Variants in PTDSS1 observed in about 807,000 individuals in gnomAD.
The protein encoded by PTDSS1 is PSS-1.
PTDSS1 carries 45 observed loss-of-function variants against 70.5 expected under a neutral mutation model. That is an observed-to-expected ratio of 0.64 (90% CI 0.50 to 0.82). The LOEUF (loss-of-function observed/expected upper bound fraction) is 0.82, where lower values mean the gene tolerates loss of function less well. Ranked by LOEUF, PTDSS1 falls within the 40% of genes least tolerant of loss-of-function variation. The pLI, the probability that PTDSS1 is intolerant of heterozygous loss-of-function variation, is 0.00. For synonymous variants in PTDSS1, 188 were observed against 203.8 expected (o/e 0.92, Z 0.66); for missense variants, 417 against 586.1 (o/e 0.71, Z 2.98).
chr8:96,311,492 A>C (rs1467910325), intron 9 of PTDSS1, among the ~76,000 whole-genome samples: 1 of 152,220 alleles, frequency 6.6e-6, no homozygotes, highest in East Asian at 1.9e-4. Flanking sequence ...ATTTAGAGAT[A>C]ATCATTGTTA....
chr8:96,279,737 T>C (rs1415652632), intron 2 of PTDSS1, among the ~76,000 whole-genome samples: 1 of 152,086 alleles, frequency 6.6e-6, no homozygotes, highest in Non-Finnish European at 1.5e-5. Context: ...GAGAATTGCA[T>C]GAACCCGGGA....
Position 96,295,174 on chromosome 8 carries a change from T to A in PTDSS1, c.518T>A (p.Phe173Tyr). ...SHFDIFAFGH[F>Y]WGWAMKALLI... Reference sequence around the variant, plus strand: ...TTTGATATTTTTGCATTTGGACATTTCTGGGGCTGGGCCATGAAGGCCTTG... The same window carrying A: ...TTTGATATTTTTGCATTTGGACATTACTGGGGCTGGGCCATGAAGGCCTTG... Residue 173 changes from phenylalanine (F) to tyrosine (Y), a missense_variant, in exon 5 of 13, where the codon TTC (phenylalanine) becomes TAC (tyrosine). Physicochemically the swap from Phe to Tyr is conservative, Grantham distance 22. This residue lies in a region of PTDSS1 where 272 missense variants were observed against 429.5 expected (regional missense o/e 0.63). Coordinates refer to ENST00000517309, the MANE Select transcript of PTDSS1 (RefSeq NM_014754.3). The A allele has an allele frequency of 6.2e-7, 1 of 1,614,234 alleles. No homozygotes were observed. Among genetic ancestry groups the A allele is most frequent in the Non-Finnish European group, 8.5e-7 (1 of 1,180,018 alleles).
intron 9 of PTDSS1, among the ~76,000 whole-genome samples, chr8:96,314,296 C>T (rs979816401): frequency 6.6e-5 from 10 of 152,092 alleles, no homozygotes; most frequent in Admixed American, 1.3e-4. Context: ...GTCCTCCCAC[C>T]TTGACCTCTC....
chr8:96,318,817 A>C (rs1439696045), intron 9 of PTDSS1, among the ~76,000 whole-genome samples: 2 of 150,136 alleles, frequency 1.3e-5, no homozygotes, highest in African/African-American at 4.9e-5. Flanking sequence ...AGTTGTTTAG[A>C]GCCATCTACA....
In PTDSS1 at chr8:96,309,557, A is replaced by G. The variant is rs1811176226; in HGVS notation, c.1008A>G (p.Arg336=). ...ATGAATTCCAACTTTGTTCTTTCAG[A>G]CAGTACTACGCTTACCTCACCGACA... is the stretch of plus-strand genomic sequence containing the variant. ...FIGGITAPTV[R]QYYAYLTDTQ... Residue 336 remains arginine, a splice_region_variant and synonymous_variant, in exon 9 of 13, where the codon AGA becomes AGG. Transcript: ENST00000517309. The G allele has an allele frequency of 6.2e-7, 1 of 1,612,770 alleles. No homozygotes were observed. Among genetic ancestry groups the G allele is most frequent in the East Asian group, 2.2e-5 (1 of 44,848 alleles).
intron 5 of PTDSS1, among the ~76,000 whole-genome samples, chr8:96,297,114 A>G (rs1015015638): frequency 6.6e-5 from 10 of 152,090 alleles, no homozygotes; most frequent in African/African-American, 2.4e-4. Flanking sequence ...TTATTGCCAA[A>G]TGATCCTCTT....
chr8:96,302,070 G>C (rs928943520), intron 6 of PTDSS1, among the ~76,000 whole-genome samples: 9 of 152,096 alleles, frequency 5.9e-5, no homozygotes, highest in African/African-American at 2.2e-4. Flanking sequence ...CCAGGCTGGA[G>C]TGCAGTGGTG....
rs116306991 is a variant in PTDSS1, at chr8:96,316,270, G to A, written c.1074-3976G>A. 3.9e-3 allele frequency among the ~76,000 whole-genome samples: 596 copies of A among 152,254 alleles called. 3 individuals are homozygous for A. Among genetic ancestry groups the A allele is most frequent in the African/African-American group, 0.013 (537 of 41,538 alleles). ...TCTGTTCAGCCAGCAGAAGGTTCTC[G>A]AATGTTCATCACCATGCTGTTCACA... On this transcript the variant is annotated intron_variant, in intron 9 of 12. Transcript: ENST00000517309.
At chr8:96,300,775 C>T (rs893865704) in intron 6 of PTDSS1, among the ~76,000 whole-genome samples, 7 of 152,140 alleles carry the variant, frequency 4.6e-5, no homozygotes, top group African/African-American at 1.7e-4. Flanking sequence ...TTAACCAGTT[C>T]CATTTTATGG....
intron 9 of PTDSS1, among the ~76,000 whole-genome samples, chr8:96,312,088 A>G (rs1455839966): frequency 6.6e-6 from 1 of 152,176 alleles, no homozygotes; most frequent in Non-Finnish European, 1.5e-5. Context: ...TCAGAGAGAG[A>G]GGTCGCATCA....
chr8:96,318,275 G>A (rs914952782), intron 9 of PTDSS1, among the ~76,000 whole-genome samples: 7 of 151,762 alleles, frequency 4.6e-5, no homozygotes, highest in Non-Finnish European at 2.9e-5. Flanking sequence ...AGTGAGCCGC[G>A]ATTGCACCAC....
At chr8:96,324,258 C>T (rs1278767202) in intron 10 of PTDSS1, among the ~76,000 whole-genome samples, 1 of 152,164 alleles carries the variant, frequency 6.6e-6, no homozygotes, top group African/African-American at 2.4e-5. Context: ...GAGCCCTCAC[C>T]AGGATCACCC....
intron 12 of PTDSS1, 89 bp from the exon 13 acceptor site, chr8:96,333,368 T>A: frequency 8.5e-7 from 1 of 1,170,274 alleles, no homozygotes; most frequent in Non-Finnish European, 1.3e-6. Context: ...GAAGAACCTG[T>A]TCCCCGGCAA....
At chr8:96,286,136 A>T (rs369244636) in intron 3 of PTDSS1, among the ~76,000 whole-genome samples, 1 of 152,076 alleles carries the variant, frequency 6.6e-6, no homozygotes, top group Non-Finnish European at 1.5e-5. Context: ...CTCACTGGAG[A>T]TTAGTGCTGA....
chr8:96,283,901 G>T, intron 2 of PTDSS1: 1 of 518,066 alleles, frequency 1.9e-6, no homozygotes, highest in Non-Finnish European at 3.4e-6. Context: ...AGTGGTGCCT[G>T]TGATGATTGT....
chr8:96,290,546 G>A (rs1049615604), intron 4 of PTDSS1, among the ~76,000 whole-genome samples: 25 of 152,170 alleles, frequency 1.6e-4, no homozygotes, highest in African/African-American at 5.8e-4. Context: ...CCAAAGTAAA[G>A]CACGAGGCTG....
chr8:96,334,672 A>G lies in PTDSS1; in HGVS notation c.*1106A>G, dbSNP rs1811570497. The G allele has an allele frequency of 1.3e-5, 2 of 152,500 alleles. No individual in the cohort carries two copies. The highest frequency in any genetic ancestry group is 2.9e-5 in the Non-Finnish European group (2 of 68,038). The allele number at this position is 152,500 out of a possible 1,614,324, so 9.4% of individuals were successfully genotyped here. A position where few individuals can be genotyped will look rare whatever the true frequency, so the allele number is the denominator to read the frequency against. ...TATATGTGTTTTACATAGTGAGAAG[A>G]AAAAAGAAAAGATGTGTATTTTAAA... is the stretch of plus-strand genomic sequence containing the variant. On this transcript the variant is annotated 3_prime_UTR_variant, in exon 13 of 13. Coordinates refer to ENST00000517309, the MANE Select transcript of PTDSS1 (RefSeq NM_014754.3).
At chr8:96,327,610 C>G (rs945949354) in intron 10 of PTDSS1, among the ~76,000 whole-genome samples, 1 of 152,162 alleles carries the variant, frequency 6.6e-6, no homozygotes, top group Non-Finnish European at 1.5e-5. Context: ...TAATTACTCC[C>G]CTGGCCTGGT....
At chr8:96,292,605 G>T (rs1810923695) in intron 4 of PTDSS1, among the ~76,000 whole-genome samples, 1 of 152,204 alleles carries the variant, frequency 6.6e-6, no homozygotes, top group African/African-American at 2.4e-5. Flanking sequence ...AAAGGCCATG[G>T]AAGGTTTATA....
Sources: gnomAD v4.1 joint callset for allele counts (sites outside exome capture counted in the v4.1 genomes callset) on GRCh38, gnomAD v4.1.1 for gene constraint, gnomAD v4.1.1 regional missense constraint, MANE v1.5 for transcripts, NCBI Gene and HGNC (gene_info 2026-07-23, HGNC 2026-07-21) for gene names.